TMEM117: variants seen among roughly 807,000 people sequenced by gnomAD.
TMEM117 encodes the protein transmembrane protein 117.
In TMEM117, 27 loss-of-function variants were observed where a neutral mutation model predicts 52.4. That is an observed-to-expected ratio of 0.51 (90% CI 0.38 to 0.71). The LOEUF (loss-of-function observed/expected upper bound fraction) is 0.71. TMEM117 is among the 30% of genes least tolerant of loss of function. TMEM117 has a pLI of 0.00. For missense variants in TMEM117, 556 were observed against 630.5 expected (o/e 0.88, Z 1.26); for synonymous variants, 215 against 206.3 (o/e 1.04, Z -0.36).
At chr12:44,393,642 T>C (rs1199577129), downstream of TMEM117, among the ~76,000 whole-genome samples, 1 of 151,538 alleles carries the variant, frequency 6.6e-6, no homozygotes, top group Non-Finnish European at 1.5e-5. Context: ...CCAGAGTATC[T>C]GTATCAAATG....
At chr12:44,362,063 C>T (rs990549244) in intron 6 of TMEM117, among the ~76,000 whole-genome samples, 2 of 152,114 alleles carry the variant, frequency 1.3e-5, no homozygotes, top group Non-Finnish European at 2.9e-5. Context: ...CATCCTCATC[C>T]CCCAGCTTAG....
intron 2 of TMEM117, among the ~76,000 whole-genome samples, chr12:43,908,654 C>T (rs1296228785): frequency 1.3e-5 from 2 of 151,976 alleles, no homozygotes; most frequent in Non-Finnish European, 2.9e-5. Context: ...GGAGGAAGAT[C>T]TACCAAGCAA....
intron 2 of TMEM117, among the ~76,000 whole-genome samples, chr12:43,938,509 G>T (rs915605261): frequency 6.6e-6 from 1 of 151,970 alleles, no homozygotes; most frequent in Admixed American, 6.6e-5. Flanking sequence ...CATGTGTCTT[G>T]GGGGAGAAAG....
In TMEM117 at chr12:43,972,766, C is replaced by T. The variant is rs114151212; in HGVS notation, c.410+28424C>T. 3.7e-3 allele frequency among the ~76,000 whole-genome samples: 557 copies of T among 152,156 alleles called. 7 individuals carry two copies. Among genetic ancestry groups the T allele is most frequent in the African/African-American group, 0.012 (505 of 41,510 alleles). On this transcript the variant is annotated intron_variant, in intron 3 of 7. Coordinates refer to ENST00000266534, the MANE Select transcript of TMEM117 (RefSeq NM_032256.3). Reference sequence around the variant, plus strand: ...GGCTGTGTTTTTACAGAGCACAGATCGGTACATTTTACAAACCTCTAGCTA... The same window carrying T: ...GGCTGTGTTTTTACAGAGCACAGATTGGTACATTTTACAAACCTCTAGCTA...
At chr12:44,241,868 G>T (rs1236721346) in intron 5 of TMEM117, among the ~76,000 whole-genome samples, 1 of 151,918 alleles carries the variant, frequency 6.6e-6, no homozygotes, top group Non-Finnish European at 1.5e-5. Flanking sequence ...ATACTAAATT[G>T]TTTTAATCAG....
chr12:44,073,124 T>G (rs1316995923), intron 3 of TMEM117, among the ~76,000 whole-genome samples: 2 of 151,962 alleles, frequency 1.3e-5, no homozygotes, highest in African/African-American at 4.8e-5. Flanking sequence ...ACAACCCACA[T>G]TGTCTTTTGT....
the TMEM117 span, chr12:43,806,427 G>GGCCGCCGGGCTGCGGTCCA: frequency 1.8e-6 from 2 of 1,131,606 alleles, no homozygotes; most frequent in Non-Finnish European, 2.2e-6. Context: ...CGCCCTTCCT[G>GGCCGCCGGGCTGCGGTCCA]GCCGCCGGGC....
At chr12:44,108,184 G>A (rs974774869) in intron 3 of TMEM117, among the ~76,000 whole-genome samples, 4 of 151,932 alleles carry the variant, frequency 2.6e-5, no homozygotes, top group African/African-American at 9.7e-5. Context: ...CTAATCACTT[G>A]TACCAAATTT....
intron 3 of TMEM117, among the ~76,000 whole-genome samples, chr12:43,964,980 A>G (rs963003533): frequency 1.3e-5 from 2 of 152,224 alleles, no homozygotes; most frequent in African/African-American, 4.8e-5. Context: ...ATACCTTCTT[A>G]TGTCTACAAA....
intron 3 of TMEM117, among the ~76,000 whole-genome samples, chr12:44,039,962 T>C (rs1946772086): frequency 6.6e-6 from 1 of 152,210 alleles, no homozygotes; most frequent in South Asian, 2.1e-4. Flanking sequence ...AAAGGTCTTT[T>C]AAATCTTGTG....
rs567844796 is a variant in TMEM117 at position 44,199,177 on chromosome 12, T to C, written c.511-12113T>C. On this transcript the variant is annotated intron_variant, in intron 4 of 7. Coordinates refer to ENST00000266534, the MANE Select transcript of TMEM117 (RefSeq NM_032256.3). Reference sequence around the variant, plus strand: ...TCTTCTTGGCCTGTGTATGTGAAGATGTCTCATTCTGATGTTGGCTTTGGC... The same window carrying C: ...TCTTCTTGGCCTGTGTATGTGAAGACGTCTCATTCTGATGTTGGCTTTGGC... Among the ~76,000 whole-genome samples, 10 of 82,224 alleles carry C rather than the reference T, an allele frequency of 1.2e-4. No homozygotes were observed. In the Admixed American group the frequency reaches 1.3e-3, roughly 11 times the overall value. The allele number at this position is 82,224 out of a possible 152,430, so 53.9% of individuals were successfully genotyped here.
At chr12:44,216,649 G>A (rs915825887) in intron 5 of TMEM117, among the ~76,000 whole-genome samples, 3 of 152,164 alleles carry the variant, frequency 2.0e-5, no homozygotes, top group African/African-American at 4.8e-5. Flanking sequence ...ATAGTGGCAA[G>A]TGTTATAGTA....
At chr12:44,266,064 A>C (rs1424305284) in intron 5 of TMEM117, among the ~76,000 whole-genome samples, 1 of 152,202 alleles carries the variant, frequency 6.6e-6, no homozygotes, top group East Asian at 1.9e-4. Context: ...GAACATTCAC[A>C]TACTTTATCT....
chr12:43,989,688 A>T (rs1178081014), intron 3 of TMEM117, among the ~76,000 whole-genome samples: 1 of 152,050 alleles, frequency 6.6e-6, no homozygotes, highest in Non-Finnish European at 1.5e-5. Flanking sequence ...GCCTTATGAG[A>T]ATGTCATAGC....
chr12:44,129,083 G>A (rs907008282), intron 3 of TMEM117, among the ~76,000 whole-genome samples: 1 of 152,140 alleles, frequency 6.6e-6, no homozygotes, highest in Non-Finnish European at 1.5e-5. Flanking sequence ...GTTGAAGCTT[G>A]CTCCTGCATA....
At chr12:44,042,228 T>G (rs987437079) in intron 3 of TMEM117, among the ~76,000 whole-genome samples, 1 of 152,160 alleles carries the variant, frequency 6.6e-6, no homozygotes, top group African/African-American at 2.4e-5. Context: ...CTGCCTTTTA[T>G]CCTATTCATT....
At chr12:44,262,847 A>G (rs906342511) in intron 5 of TMEM117, among the ~76,000 whole-genome samples, 2 of 152,160 alleles carry the variant, frequency 1.3e-5, no homozygotes, top group East Asian at 3.9e-4. Context: ...TCGGCCTCCC[A>G]AAGTGCTGGG....
At chr12:44,397,747 G>A in the TMEM117 span, among the ~76,000 whole-genome samples, 1 of 152,208 alleles carries the variant, frequency 6.6e-6, no homozygotes, top group East Asian at 1.9e-4. Context: ...ACCAGCAGCA[G>A]CATCCATTAA....
chr12:43,813,228 C>CTTTTTTTTTTTTT, the TMEM117 span, among the ~76,000 whole-genome samples: 1 of 73,176 alleles, frequency 1.4e-5, no homozygotes, highest in Non-Finnish European at 2.7e-5. Context: ...CTGGTTTTCT[C>CTTTTTTTTTTTTT]TTGTTTTTTT....
Sources: allele counts gnomAD v4.1 joint callset (sites outside exome capture counted in the v4.1 genomes callset), GRCh38; gene constraint gnomAD v4.1.1; transcripts MANE v1.5; gene names NCBI Gene and HGNC (gene_info 2026-07-23, HGNC 2026-07-21).